The following NDUFB5 variants were observed in gnomAD, a reference collection of about 807,000 sequenced individuals.
NDUFB5 encodes the protein NADH dehydrogenase [ubiquinone] 1 beta subcomplex subunit 5, mitochondrial.
A neutral mutation model predicts 19.4 loss-of-function variants in NDUFB5; 19 were observed. The observed-to-expected ratio is 0.98, with a 90% confidence interval of 0.68 to 1.43. The LOEUF is 1.43. Ranked by LOEUF, NDUFB5 falls within the 40% of genes most tolerant of loss-of-function variation. NDUFB5 has a pLI of 0.00. For synonymous variants in NDUFB5, 80 were observed against 82.6 expected, an observed-to-expected ratio of 0.97 and a Z score of 0.17; for missense variants, 233 against 236.5, an observed-to-expected ratio of 0.99 and a Z score of 0.10.
intron 2 of NDUFB5, chr3:179,615,389 C>T (rs899425588): frequency 3.1e-5 from 8 of 254,062 alleles, no homozygotes; most frequent in African/African-American, 1.8e-4. Flanking sequence ...TGTTGAAAGA[C>T]TTGCTTAAAT....
intron 1 of NDUFB5, among the ~76,000 whole-genome samples, chr3:179,609,125 G>A (rs1233391090): frequency 1.3e-5 from 2 of 152,212 alleles, no homozygotes; most frequent in South Asian, 4.1e-4. Context: ...GAACTCATCA[G>A]TGACATTGAG....
chr3:179,612,651 T>C (rs1372546862), intron 1 of NDUFB5, among the ~76,000 whole-genome samples: 2 of 151,618 alleles, frequency 1.3e-5, no homozygotes, highest in East Asian at 1.9e-4. Flanking sequence ...TATTTTTTTG[T>C]ATTTTTAGTA....
intron 4 of NDUFB5, 186 bp downstream of exon 4, chr3:179,617,230 C>CGCATTCAAG (rs1159876878): frequency 7.2e-6 from 3 of 414,448 alleles, no homozygotes; most frequent in Non-Finnish European, 1.3e-5. Flanking sequence ...TTCTGCCTCC[C>CGCATTCAAG]GCATTCAAGC....
intron 1 of NDUFB5, among the ~76,000 whole-genome samples, chr3:179,610,247 C>A (rs1398934023): frequency 6.6e-6 from 1 of 152,100 alleles, no homozygotes; most frequent in Non-Finnish European, 1.5e-5. Context: ...TGCACACCAC[C>A]ACACCCGGCT....
intron 1 of NDUFB5, among the ~76,000 whole-genome samples, chr3:179,606,925 G>A (rs1034753099): frequency 3.9e-5 from 6 of 152,188 alleles, no homozygotes; most frequent in Admixed American, 6.5e-5. Flanking sequence ...GCAGGAATTT[G>A]AACTTGTTAC....
Position 179,625,768 on chromosome 3 carries a change from T to A in NDUFB5, c.*1728T>A, listed in dbSNP as rs776448725. On this transcript the variant is annotated 3_prime_UTR_variant, in exon 6 of 6. Transcript: ENST00000259037. Reference sequence around the variant, plus strand: ...TGCCTCCATGAGACCCATTTTTTAATCTCCCACATATGAGTGAGAACATTC... The same window carrying A: ...TGCCTCCATGAGACCCATTTTTTAAACTCCCACATATGAGTGAGAACATTC... 2.0e-5 allele frequency: 3 copies of A among 152,160 alleles called. No individual in the cohort carries two copies. The highest frequency in any genetic ancestry group is 4.4e-5 in the Non-Finnish European group (3 of 68,030). 9.4% of individuals were successfully genotyped at this position (152,160 alleles called of 1,614,324 possible). A position where few individuals can be genotyped will look rare whatever the true frequency, so the allele number is the denominator to read the frequency against.
intron 5 of NDUFB5, among the ~76,000 whole-genome samples, chr3:179,622,312 T>C (rs564853997): frequency 6.6e-6 from 1 of 151,608 alleles, no homozygotes; most frequent in East Asian, 1.9e-4. Flanking sequence ...TTTTGTTTTG[T>C]TTTTGTTTTT....
Position 179,615,006 on chromosome 3 carries a change from C to T in NDUFB5, c.160C>T (p.Leu54=), listed in dbSNP as rs1213035248. ...ACACAGTGGAGACCATGGGAAAAGACTATTTGTCATCAGACCTTCTAGATT... is the reference window on the plus strand; with the variant it reads ...ACACAGTGGAGACCATGGGAAAAGATTATTTGTCATCAGACCTTCTAGATT... ...VRHSGDHGKR[L]FVIRPSRFYD... Residue 54 remains leucine, a synonymous_variant, in exon 2 of 6, where the codon CTA becomes TTA. Transcript: ENST00000259037. The T allele has an allele frequency of 2.5e-6, 4 of 1,609,914 alleles. No homozygotes were observed. In the African/African-American group the frequency reaches 5.3e-5, roughly 22 times the overall value.
chr3:179,619,933 A>G (rs1719489681), intron 5 of NDUFB5, among the ~76,000 whole-genome samples: 1 of 152,020 alleles, frequency 6.6e-6, no homozygotes, highest in Non-Finnish European at 1.5e-5. Context: ...TTTGATTTGC[A>G]TTTCTCTGAT....
rs145548809 is a variant in NDUFB5 at position 179,617,110 on chromosome 3, A to G, written c.342+66A>G. On this transcript the variant is annotated intron_variant, in intron 4 of 5. Coordinates refer to ENST00000259037, the MANE Select transcript of NDUFB5 (RefSeq NM_002492.4). ...TTGTCAACGCACTAGTTAATGTCTTAATTCAGCAATTATGATATAGTCAGG... is the reference window on the plus strand; with the variant it reads ...TTGTCAACGCACTAGTTAATGTCTTGATTCAGCAATTATGATATAGTCAGG... 7.4e-5 allele frequency: 89 copies of G among 1,203,888 alleles called. No individual in the cohort carries two copies. The African/African-American group carries it at 1.1e-3, about 15-fold the overall frequency. The allele number at this position is 1,203,888 out of a possible 1,614,324, so 74.6% of individuals were successfully genotyped here. A position where few individuals can be genotyped will look rare whatever the true frequency, so the allele number is the denominator to read the frequency against.
intron 5 of NDUFB5, among the ~76,000 whole-genome samples, chr3:179,623,187 T>TA (rs1458912730): frequency 6.6e-6 from 1 of 152,208 alleles, no homozygotes; most frequent in Non-Finnish European, 1.5e-5. Context: ...CAAAAAAGCT[T>TA]ATTCATTTGT....
chr3:179,609,095 C>G lies in NDUFB5; in HGVS notation c.124+4156C>G, dbSNP rs75932037. 4.1e-4 allele frequency among the ~76,000 whole-genome samples: 63 copies of G among 152,296 alleles called. No individual in the cohort carries two copies. In the East Asian group the frequency reaches 0.01, roughly 24 times the overall value. ...TAAGGACCTGCTGTATGTGGTTTCA[C>G]TTAAAGTCACAGTTTCCAAGAACTC... On this transcript the variant is annotated intron_variant, in intron 1 of 5. Coordinates refer to ENST00000259037, the MANE Select transcript of NDUFB5 (RefSeq NM_002492.4).
chr3:179,614,776 G>A (rs749237665), intron 1 of NDUFB5, 195 bp from the exon 2 acceptor site: 6 of 335,462 alleles, frequency 1.8e-5, no homozygotes, highest in Non-Finnish European at 2.7e-5. Flanking sequence ...TTTGTTTCAT[G>A]TCAGATGGGT....
chr3:179,612,475 C>CTTTT (rs760879075), intron 1 of NDUFB5, among the ~76,000 whole-genome samples: 10 of 122,820 alleles, frequency 8.1e-5, no homozygotes, highest in Non-Finnish European at 1.3e-4. Context: ...TGCATTAAAC[C>CTTTT]TTTTTTTTTT....
intron 1 of NDUFB5, among the ~76,000 whole-genome samples, chr3:179,606,777 C>T (rs758914645): frequency 1.1e-4 from 16 of 152,208 alleles, no homozygotes; most frequent in Non-Finnish European, 1.9e-4. Flanking sequence ...TGTCTCCAGC[C>T]TCAAAATATC....
chr3:179,608,554 C>T (rs956360115), intron 1 of NDUFB5, among the ~76,000 whole-genome samples: 3 of 152,112 alleles, frequency 2.0e-5, no homozygotes, highest in African/African-American at 7.2e-5. Context: ...TATCGCCAGA[C>T]CAACTTAAAA....
intron 1 of NDUFB5, among the ~76,000 whole-genome samples, chr3:179,614,481 A>G (rs1470270684): frequency 6.6e-6 from 1 of 152,226 alleles, no homozygotes. Flanking sequence ...GCATAATGGA[A>G]TAATTTAAAT....
In NDUFB5 at chr3:179,604,848, G is replaced by T. The variant is rs1027348801; in HGVS notation, c.33G>T (p.Ser11=). 6.9e-6 allele frequency: 11 copies of T among 1,604,584 alleles called. No homozygotes were observed. Among genetic ancestry groups the T allele is most frequent in the Middle Eastern group, 3.3e-4 (2 of 6,014 alleles). Residue 11 remains serine, a synonymous_variant, in exon 1 of 6, where the codon TCG becomes TCT. Coordinates refer to ENST00000259037, the MANE Select transcript of NDUFB5 (RefSeq NM_002492.4). The part of the protein sequence containing the change: MAAMSLLRRV[S]VTAVAALSGR... ...CCATGAGTTTGTTGCGGCGGGTTTCGGTTACTGCGGTGGCAGCTCTGTCTG... is the reference window on the plus strand; with the variant it reads ...CCATGAGTTTGTTGCGGCGGGTTTCTGTTACTGCGGTGGCAGCTCTGTCTG...
In NDUFB5 at chr3:179,624,572, T is replaced by TATACACACACACACACACAC. The variant is rs750458055; in HGVS notation, c.*533_*534insTACACACACACACACACACA. On this transcript the variant is annotated 3_prime_UTR_variant, in exon 6 of 6. Transcript: ENST00000259037. The stretch of plus-strand genomic sequence containing the variant: ...AACTACACACAGACACACAGACACG[T>TATACACACACACACACACAC]ACACACACACACACACACACACACA... 7.8e-6 allele frequency: 1 copy of TATACACACACACACACACAC among 128,390 alleles called. No individual in the cohort carries two copies. Among genetic ancestry groups the TATACACACACACACACACAC allele is most frequent in the African/African-American group, 3.2e-5 (1 of 31,536 alleles). The allele number at this position is 128,390 out of a possible 1,614,324, so 8.0% of individuals were successfully genotyped here. A position where few individuals can be genotyped will look rare whatever the true frequency, so the allele number is the denominator to read the frequency against.
Sources: gnomAD v4.1 joint callset for allele counts (sites outside exome capture counted in the v4.1 genomes callset) on GRCh38, gnomAD v4.1.1 for gene constraint, MANE v1.5 for transcripts, NCBI Gene and HGNC (gene_info 2026-07-23, HGNC 2026-07-21) for gene names.